Variants in DOCK11 observed in about 807,000 individuals in gnomAD.
The protein encoded by DOCK11 is dedicator of cytokinesis 11, also known as dedicator of cytokinesis protein 11.
Under a neutral mutation model 169.1 loss-of-function variants are expected in DOCK11, and 70 were observed. The observed-to-expected ratio is 0.41, with a 90% CI of 0.34 to 0.51. The LOEUF (loss-of-function observed/expected upper bound fraction) is 0.51. Ranked by LOEUF, DOCK11 falls within the 20% of genes least tolerant of loss-of-function variation. DOCK11 has a pLI of 0.10. For missense variants in DOCK11, 1,166 were observed against 1,538.8 expected (o/e 0.76, Z 4.05); for synonymous variants, 529 against 541.3 (o/e 0.98, Z 0.32).
At chrX:118,637,259 A>G (rs1603143433) in intron 36 of DOCK11, among the ~76,000 whole-genome samples, 2 of 111,207 alleles carry the variant, frequency 1.8e-5, no homozygotes, top group East Asian at 5.6e-4. Context: ...GGACCTATTC[A>G]GGGCAGAGGT....
At chrX:118,659,233 T>A (rs1047795460) in intron 44 of DOCK11, among the ~76,000 whole-genome samples, 1 of 111,417 alleles carries the variant, frequency 9.0e-6, no homozygotes, top group Admixed American at 9.6e-5. Flanking sequence ...GATTCAGGGT[T>A]ATGGTCTCTA....
chrX:118,547,180 C>G (rs1455639916), intron 6 of DOCK11, among the ~76,000 whole-genome samples: 1 of 111,457 alleles, frequency 9.0e-6, no homozygotes, highest in African/African-American at 3.3e-5. Context: ...TATAACTGTT[C>G]TTTCAGATAT....
chrX:118,675,912 G>C lies in DOCK11; in HGVS notation c.5200-24G>C, dbSNP rs781600888. The C allele has an allele frequency of 8.4e-6, 8 of 951,006 alleles. No individual in the cohort carries two copies. The Admixed American group carries it at 1.2e-4, about 15-fold the overall frequency. 78.4% of individuals were successfully genotyped at this position (951,006 alleles called of 1,213,427 possible). On this transcript the variant is annotated intron_variant, in intron 46 of 52. Transcript: ENST00000276202. ...TAGTAATTAAACAAAAAACAAAGCTGATTTGTATATTTTTATTTTTCAGAA... is the reference window on the plus strand; with the variant it reads ...TAGTAATTAAACAAAAAACAAAGCTCATTTGTATATTTTTATTTTTCAGAA...
intron 52 of DOCK11, chrX:118,685,424 C>T (rs775319544): frequency 1.6e-4 from 40 of 255,092 alleles, no homozygotes; most frequent in Non-Finnish European, 2.6e-4. Flanking sequence ...TGTTACCTCT[C>T]GCTTTTTATT....
Position 118,543,570 on chromosome X carries a change from T to C in DOCK11, c.369T>C (p.Ser123=). 1 of 1,208,409 alleles carries C rather than the reference T, an allele frequency of 8.3e-7. No homozygotes were observed. The highest frequency in any genetic ancestry group is 1.8e-5 in the South Asian group (1 of 56,945). Residue 123 remains serine (S), a synonymous_variant, in exon 4 of 53, where the codon TCT becomes TCC. Transcript: ENST00000276202. ...TAAACTACAAGTATGAGGACTTCTC[T>C]GGGGACTTTCGAATGTTGCCATGGT... ...HVVNYKYEDF[S]GDFRMLPCKS...
chrX:118,624,418 G>A, intron 31 of DOCK11, 121 bp from the exon 32 acceptor site: 1 of 457,163 alleles, frequency 2.2e-6, no homozygotes, highest in Non-Finnish European at 3.8e-6. Flanking sequence ...TCATGCTTCA[G>A]TAATTTGTTA....
intron 32 of DOCK11, among the ~76,000 whole-genome samples, chrX:118,626,126 C>G: frequency 9.4e-6 from 1 of 106,060 alleles, no homozygotes; most frequent in Non-Finnish European, 1.9e-5. Flanking sequence ...AGTGCAGTGG[C>G]ATGATCTCAG....
chrX:118,652,183 C>T (rs773357493), intron 42 of DOCK11, 106 bp downstream of exon 42: 31 of 494,626 alleles, frequency 6.3e-5, no homozygotes, highest in East Asian at 1.1e-4. Context: ...ATAGAATGTA[C>T]GGAATGTGAG....
chrX:118,582,475 A>T (rs1440747693), intron 14 of DOCK11, among the ~76,000 whole-genome samples: 1 of 111,620 alleles, frequency 9.0e-6, no homozygotes, highest in Admixed American at 9.6e-5. Context: ...TCCAGTTCTA[A>T]TGAGGAATTA....
At chrX:118,612,353 A>G (rs777070660) in intron 28 of DOCK11, among the ~76,000 whole-genome samples, 24 of 112,225 alleles carry the variant, frequency 2.1e-4, no homozygotes, top group South Asian at 1.1e-3. Flanking sequence ...CAACATCCAC[A>G]TATCTTTTTA....
At chrX:118,675,499 G>A (rs763088460) in intron 46 of DOCK11, among the ~76,000 whole-genome samples, 15 of 109,174 alleles carry the variant, frequency 1.4e-4, no homozygotes, top group Admixed American at 3.0e-4. Context: ...CACATACCGC[G>A]TGTTCTCACT....
chrX:118,601,864 G>A (rs1313176866), intron 23 of DOCK11, among the ~76,000 whole-genome samples: 3 of 110,837 alleles, frequency 2.7e-5, no homozygotes, highest in African/African-American at 6.6e-5. Context: ...TGCAACCTCC[G>A]CCTCCTGGGT....
chrX:118,662,498 A>G (rs1200352822), intron 44 of DOCK11, among the ~76,000 whole-genome samples, 188 bp from the exon 45 acceptor site: 1 of 112,636 alleles, frequency 8.9e-6, no homozygotes, highest in Non-Finnish European at 1.9e-5. Flanking sequence ...TTGTAGGGGG[A>G]GAAACTAATA....
chrX:118,632,257 A>G (rs2015263133), intron 35 of DOCK11: 1 of 111,861 alleles, frequency 8.9e-6, no homozygotes, highest in Non-Finnish European at 1.9e-5. Context: ...CCGGCCCATG[A>G]CTGTTTTATT....
At chrX:118,602,763 A>G (rs1254367107) in intron 23 of DOCK11, among the ~76,000 whole-genome samples, 9 of 111,400 alleles carry the variant, frequency 8.1e-5, no homozygotes, top group African/African-American at 2.9e-4. Context: ...CTGGTCTCGA[A>G]CTCCTGAGTT....
chrX:118,640,125 G>A (rs2015492428), intron 38 of DOCK11, among the ~76,000 whole-genome samples: 2 of 112,401 alleles, frequency 1.8e-5, no homozygotes, highest in African/African-American at 6.5e-5. Flanking sequence ...TGGCAAAGGT[G>A]TATTTCAGAC....
intron 24 of DOCK11, among the ~76,000 whole-genome samples, chrX:118,605,981 A>G (rs921221640): frequency 9.0e-6 from 1 of 110,975 alleles, no homozygotes; most frequent in African/African-American, 3.3e-5. Flanking sequence ...ACTTTTTCCA[A>G]TTATGTAAAT....
intron 1 of DOCK11, among the ~76,000 whole-genome samples, chrX:118,518,864 T>C (rs936055944): frequency 1.8e-5 from 2 of 111,712 alleles, no homozygotes; most frequent in Non-Finnish European, 3.8e-5. Flanking sequence ...GCTGAGCCTG[T>C]GTTGGGGCAG....
chrX:118,644,049 A>G (rs189946005), intron 40 of DOCK11, among the ~76,000 whole-genome samples: 148 of 111,750 alleles, frequency 1.3e-3, no homozygotes, highest in Middle Eastern at 4.6e-3. Context: ...CTGCCTTTCA[A>G]TGCTAGCCAT....
Sources: gnomAD v4.1 joint callset for allele counts (sites outside exome capture counted in the v4.1 genomes callset) on GRCh38, gnomAD v4.1.1 for gene constraint, MANE v1.5 for transcripts, NCBI Gene and HGNC (gene_info 2026-07-23, HGNC 2026-07-21) for gene names.